SMIM26: variants seen among roughly 807,000 people sequenced by gnomAD.
SMIM26 encodes small integral membrane protein 26.
A neutral mutation model predicts 2.5 loss-of-function variants in SMIM26; 2 were observed. The ratio of observed to expected loss-of-function variants is 0.80; its 90% CI spans 0.33 to 2.53. The LOEUF is 2.53. SMIM26 is among the 30% of genes most tolerant of loss of function. The probability of loss-of-function intolerance (pLI) is 0.11; values close to 1 mark genes in which losing one functional copy is unlikely to be tolerated. For missense variants in SMIM26, 77 were observed against 46.1 expected (o/e 1.67, Z -1.94); for synonymous variants, 32 against 17.8 (o/e 1.80, Z -2.01).
chr20:18,569,569 G>GTT (rs1181019084), downstream of SMIM26: 16 of 533,598 alleles, frequency 3.0e-5, no homozygotes, highest in Admixed American at 4.9e-4. Flanking sequence ...AACTATCTGC[G>GTT]TTTTCTTTTT....
downstream of SMIM26, chr20:18,569,583 T>C (rs2060525106): frequency 1.8e-6 from 1 of 562,256 alleles, no homozygotes; most frequent in Non-Finnish European, 3.2e-6. Flanking sequence ...TCTTTTTTTT[T>C]TTTTTTTTTG....
intron 1 of SMIM26, chr20:18,568,622 T>G (rs964314093): frequency 2.0e-5 from 3 of 151,916 alleles, no homozygotes; most frequent in Non-Finnish European, 4.4e-5. Flanking sequence ...CTTTTTTTTT[T>G]TCTTTTTGAC....
intron 1 of SMIM26, chr20:18,569,006 C>CCTCAA: frequency 2.4e-6 from 1 of 416,094 alleles, no homozygotes; most frequent in Non-Finnish European, 4.3e-6. Context: ...AAACACCTGA[C>CCTCAA]CTCAGGTGGT....
At chr20:18,569,144 TTACCTTAGTTAATTTCTA>T in intron 1 of SMIM26, 74 bp from the exon 2 acceptor site, 1 of 606,976 alleles carries the variant, frequency 1.6e-6, no homozygotes, top group Non-Finnish European at 2.9e-6. Flanking sequence ...GATGTAATTC[TTACCTTAGTTAATTTCTA>T]AGACTTTAAT....
chr20:18,568,430 C>T (rs1278604559), intron 1 of SMIM26, among the ~76,000 whole-genome samples: 1 of 151,892 alleles, frequency 6.6e-6, no homozygotes, highest in Non-Finnish European at 1.5e-5. Context: ...TTGCTTGAGC[C>T]CAGGGGTTCG....
In SMIM26 at chr20:18,569,001, C is replaced by T. The variant is rs1439058591; in HGVS notation, c.119-235C>T. On this transcript the variant is annotated intron_variant, in intron 1 of 1. Coordinates refer to ENST00000411646, the MANE Select transcript of SMIM26 (RefSeq NM_001348957.2). ...ACGTTGGCGAGGCTGGTCTCAAACA[C>T]CTGACCTCAGGTGGTCCACCTGCCT... 12 of 398,104 alleles carry T rather than the reference C, an allele frequency of 3.0e-5. No homozygotes were observed. In the East Asian group the frequency reaches 4.2e-4, roughly 14 times the overall value. 24.7% of individuals were successfully genotyped at this position (398,104 alleles called of 1,614,324 possible).
rs2060524687 is a variant in SMIM26, at chr20:18,569,456, T to C, written c.*51T>C. 5.7e-6 allele frequency: 4 copies of C among 702,742 alleles called. No individual in the cohort carries two copies. 43.5% of individuals were successfully genotyped at this position (702,742 alleles called of 1,614,324 possible). A position where few individuals can be genotyped will look rare whatever the true frequency, so the allele number is the denominator to read the frequency against. ...GACTTGGTTCAACATTTAAATTTGA[T>C]AGTTGCCCTGATTCCCATTTTGGGT... On this transcript the variant is annotated 3_prime_UTR_variant, in exon 2 of 2. Coordinates refer to ENST00000411646, the MANE Select transcript of SMIM26 (RefSeq NM_001348957.2).
intron 1 of SMIM26, among the ~76,000 whole-genome samples, chr20:18,568,075 G>A: frequency 6.6e-6 from 1 of 152,208 alleles, no homozygotes; most frequent in East Asian, 1.9e-4. Flanking sequence ...AAGTTGATTA[G>A]TGTGGTTGCT....
At chr20:18,567,624 G>C (rs912264970) in intron 1 of SMIM26, 28 bp downstream of exon 1, 44 of 702,266 alleles carry the variant, frequency 6.3e-5, no homozygotes, top group African/African-American at 1.1e-4. Flanking sequence ...GGCCTGCCCC[G>C]GAACACACGG....
chr20:18,569,510 C>A lies in SMIM26; in HGVS notation c.*105C>A. On this transcript the variant is annotated 3_prime_UTR_variant, in exon 2 of 2. Transcript: ENST00000411646. The stretch of plus-strand genomic sequence containing the variant: ...TGAAAAGTGTATGTATTTAAATTTG[C>A]TGTAAAACATAATCACTAATAATAT... 2 of 689,690 alleles carry A rather than the reference C, an allele frequency of 2.9e-6. No homozygotes were observed. Among genetic ancestry groups the A allele is most frequent in the Non-Finnish European group, 5.3e-6 (2 of 378,762 alleles). The allele number at this position is 689,690 out of a possible 1,614,324, so 42.7% of individuals were successfully genotyped here.
chr20:18,569,574 C>CT (rs71194252), downstream of SMIM26: 6,756 of 385,034 alleles, frequency 0.018, 33 homozygotes, highest in African/African-American at 0.047. Context: ...TCTGCGTTTT[C>CT]TTTTTTTTTT....
At chr20:18,568,141 T>G (rs1032464501) in intron 1 of SMIM26, among the ~76,000 whole-genome samples, 4 of 152,256 alleles carry the variant, frequency 2.6e-5, no homozygotes, top group Non-Finnish European at 5.9e-5. Flanking sequence ...GGATTCCTTT[T>G]GTGGATGAAA....
chr20:18,567,715 GA>G (rs2060518817), intron 1 of SMIM26, 119 bp downstream of exon 1: 1 of 651,640 alleles, frequency 1.5e-6, no homozygotes, highest in African/African-American at 1.8e-5. Context: ...AAAACTAATT[GA>G]AACGGGTGCT....
chr20:18,569,574 CTTTTTTTT>C (rs71194252), downstream of SMIM26: 1 of 386,172 alleles, frequency 2.6e-6, no homozygotes, highest in African/African-American at 2.6e-5. Flanking sequence ...TCTGCGTTTT[CTTTTTTTT>C]TTTTTTTTTT....
chr20:18,568,248 T>G (rs1413065899), intron 1 of SMIM26, among the ~76,000 whole-genome samples: 1 of 152,248 alleles, frequency 6.6e-6, no homozygotes, highest in Non-Finnish European at 1.5e-5. Context: ...ATATGTTAAT[T>G]ATATCTCAGT....
intron 1 of SMIM26, among the ~76,000 whole-genome samples, chr20:18,567,886 A>T (rs2060519650): frequency 6.6e-6 from 1 of 152,246 alleles, no homozygotes; most frequent in Admixed American, 6.5e-5. Context: ...GGACTTTCAG[A>T]GACTCTGGCC....
intron 1 of SMIM26, among the ~76,000 whole-genome samples, chr20:18,568,408 C>T (rs567714663): frequency 2.2e-4 from 33 of 151,986 alleles, no homozygotes; most frequent in African/African-American, 5.5e-4. Context: ...TTTGGGAGGC[C>T]GAGGTGGGAG....
intron 1 of SMIM26, among the ~76,000 whole-genome samples, chr20:18,568,255 C>T (rs981411198): frequency 2.0e-5 from 3 of 152,346 alleles, no homozygotes; most frequent in African/African-American, 7.2e-5. Context: ...AATTATATCT[C>T]AGTAAAGTTG....
intron 1 of SMIM26, among the ~76,000 whole-genome samples, chr20:18,567,800 T>G (rs6035078): frequency 3.3e-5 from 5 of 152,154 alleles, no homozygotes; most frequent in African/African-American, 9.7e-5. Flanking sequence ...AAATATTGTT[T>G]CCTAAATCTG....
Sources: gnomAD v4.1 joint callset for allele counts (sites outside exome capture counted in the v4.1 genomes callset) on GRCh38, gnomAD v4.1.1 for gene constraint, MANE v1.5 for transcripts, NCBI Gene and HGNC (gene_info 2026-07-23, HGNC 2026-07-21) for gene names.